ACAP2: variants seen among roughly 807,000 people sequenced by gnomAD.
ACAP2 encodes arf-GAP with coiled-coil, ANK repeat and PH domain-containing protein 2.
A neutral mutation model predicts 115.8 loss-of-function variants in ACAP2; 39 were observed. The ratio of observed to expected loss-of-function variants is 0.34; its 90% CI spans 0.26 to 0.44. The LOEUF is 0.44. Ranked by LOEUF, ACAP2 falls within the 20% of genes least tolerant of loss-of-function variation. ACAP2 has a pLI of 1.00. For synonymous variants in ACAP2, 289 were observed against 315.8 expected, an observed-to-expected ratio of 0.92 and a Z score of 0.90; for missense variants, 662 against 927.6, an observed-to-expected ratio of 0.71 and a Z score of 3.72.
At chr3:195,364,712 G>A (rs1249594117) in intron 4 of ACAP2, among the ~76,000 whole-genome samples, 1 of 152,190 alleles carries the variant, frequency 6.6e-6, no homozygotes, top group African/African-American at 2.4e-5. Context: ...AAGGAAAACA[G>A]TTTGGAGATT....
chr3:195,401,387 G>A (rs929680892), intron 1 of ACAP2, among the ~76,000 whole-genome samples: 2 of 152,214 alleles, frequency 1.3e-5, no homozygotes, highest in Non-Finnish European at 2.9e-5. Context: ...AGACTAGGCT[G>A]GGCGCAGTGG....
In ACAP2 at chr3:195,337,446, C is replaced by CTTTT. The variant is rs11411412; in HGVS notation, c.529-474_529-471dup. On this transcript the variant is annotated intron_variant, in intron 6 of 22. Coordinates refer to ENST00000326793, the MANE Select transcript of ACAP2 (RefSeq NM_012287.6). Reference sequence around the variant, plus strand: ...CATTATACACACGGCAACCAGTCATCTTTTTTTTTTTTTTTTTTTGACACA... The same window carrying CTTTT: ...CATTATACACACGGCAACCAGTCATCTTTTTTTTTTTTTTTTTTTTTTTGACACA... 6.3e-3 allele frequency among the ~76,000 whole-genome samples: 829 copies of CTTTT among 131,514 alleles called. 12 individuals are homozygous for CTTTT. Among genetic ancestry groups the CTTTT allele is most frequent in the African/African-American group, 0.022 (764 of 34,760 alleles). The allele number at this position is 131,514 out of a possible 152,430, so 86.3% of individuals were successfully genotyped here.
chr3:195,294,732 A>G lies in ACAP2; in HGVS notation c.1752T>C (p.Ser584=). 6.2e-7 allele frequency: 1 copy of G among 1,604,236 alleles called. No homozygotes were observed. The highest frequency in any genetic ancestry group is 8.5e-7 in the Non-Finnish European group (1 of 1,173,184). The change falls in exon 18 of 23, where the codon AGT becomes AGC. Residue 584 remains serine, a synonymous_variant. Coordinates refer to ENST00000326793, the MANE Select transcript of ACAP2 (RefSeq NM_012287.6). ...ATCAGAACTCACCAGGCTCATATAA[A>G]CTATTGGCTGACACCGTGGAGGGTA... ...ESLPSTVSAN[S]LYEPEGERQD... is the part of the protein sequence containing the mutation.
At chr3:195,318,553 G>A (rs1729239927) in intron 10 of ACAP2, among the ~76,000 whole-genome samples, 1 of 152,216 alleles carries the variant, frequency 6.6e-6, no homozygotes. Context: ...CAAAGAGACT[G>A]GCAGCATTTT....
At chr3:195,344,570 G>C (rs985639887) in intron 5 of ACAP2, among the ~76,000 whole-genome samples, 2 of 151,862 alleles carry the variant, frequency 1.3e-5, no homozygotes, top group African/African-American at 2.4e-5. Flanking sequence ...GCCCAGGCTG[G>C]AGTGCGATGG....
At chr3:195,366,921 G>A (rs546153413) in intron 4 of ACAP2, among the ~76,000 whole-genome samples, 4 of 152,108 alleles carry the variant, frequency 2.6e-5, no homozygotes, top group Non-Finnish European at 4.4e-5. Flanking sequence ...AAGCATTGAA[G>A]CTTGTGGGCC....
Position 195,442,795 on chromosome 3 carries a change from C to T in ACAP2, c.53G>A (p.Arg18Lys). 1 of 1,528,998 alleles carries T rather than the reference C, an allele frequency of 6.5e-7. No homozygotes were observed. Among genetic ancestry groups the T allele is most frequent in the South Asian group, 1.2e-5 (1 of 81,992 alleles). 94.7% of individuals were successfully genotyped at this position (1,528,998 alleles called of 1,614,324 possible). A position where few individuals can be genotyped will look rare whatever the true frequency, so the allele number is the denominator to read the frequency against. The change falls in exon 1 of 23, where the codon AGG becomes AAG. Residue 18 changes from arginine to lysine, a missense_variant and splice_region_variant. Coordinates refer to ENST00000326793, the MANE Select transcript of ACAP2 (RefSeq NM_012287.6). ...EECLKDSPRFRAALEEVEGDV... is the reference protein window; with the variant it reads ...EECLKDSPRFKAALEEVEGDV... Reference sequence around the variant, plus strand: ...GACGCCGGGCGGCCGTGCCGGTTACCTGAAGCGGGGCGAGTCCTTCAGACA... The same window carrying T: ...GACGCCGGGCGGCCGTGCCGGTTACTTGAAGCGGGGCGAGTCCTTCAGACA...
intron 15 of ACAP2, among the ~76,000 whole-genome samples, chr3:195,300,150 A>G (rs112723809): frequency 0.023 from 3,499 of 150,412 alleles, 118 homozygotes; most frequent in East Asian, 0.11. Flanking sequence ...GGATTCAAGC[A>G]ATTCTCCTGC....
At chr3:195,333,211 AG>A in intron 7 of ACAP2, 88 bp from the exon 8 acceptor site, 1 of 619,400 alleles carries the variant, frequency 1.6e-6, no homozygotes, top group South Asian at 3.2e-5. Context: ...AATATATAAA[AG>A]ACAGGGTCTT....
At chr3:195,382,591 T>G (rs1167786541) in intron 2 of ACAP2, among the ~76,000 whole-genome samples, 1 of 151,906 alleles carries the variant, frequency 6.6e-6, no homozygotes, top group Non-Finnish European at 1.5e-5. Flanking sequence ...CTTGGGTAAA[T>G]GTCAAATATT....
chr3:195,356,644 C>A (rs1435352921), intron 4 of ACAP2, among the ~76,000 whole-genome samples: 2 of 152,086 alleles, frequency 1.3e-5, no homozygotes, highest in South Asian at 2.1e-4. Flanking sequence ...AATACCATCT[C>A]AGCCACAGTT....
At chr3:195,348,851 C>G (rs1458624322) in intron 4 of ACAP2, among the ~76,000 whole-genome samples, 1 of 152,150 alleles carries the variant, frequency 6.6e-6, no homozygotes, top group Non-Finnish European at 1.5e-5. Flanking sequence ...AAATCTGTAT[C>G]TAACATCCTG....
At chr3:195,381,096 T>C in intron 3 of ACAP2, 34 bp from the exon 4 acceptor site, 1 of 1,552,538 alleles carries the variant, frequency 6.4e-7, no homozygotes, top group Non-Finnish European at 8.8e-7. Context: ...AACCAAATCA[T>C]TTATGAGCCA....
At chr3:195,345,745 A>G (rs187246758) in intron 4 of ACAP2, among the ~76,000 whole-genome samples, 9 of 152,304 alleles carry the variant, frequency 5.9e-5, no homozygotes, top group Admixed American at 5.9e-4. Context: ...GGTAGAGGTT[A>G]CTCATTGGGG....
At chr3:195,300,845 T>C (rs939515482) in intron 15 of ACAP2, among the ~76,000 whole-genome samples, 2 of 152,096 alleles carry the variant, frequency 1.3e-5, no homozygotes, top group Admixed American at 6.6e-5. Context: ...GGTGAAACCA[T>C]GTCTCTACGA....
intron 22 of ACAP2, chr3:195,282,708 C>T (rs1726585431): frequency 6.6e-6 from 1 of 152,196 alleles, no homozygotes; most frequent in Non-Finnish European, 1.5e-5. Flanking sequence ...TGGTAAACAA[C>T]TCATCACTCA....
intron 4 of ACAP2, among the ~76,000 whole-genome samples, chr3:195,351,196 C>G (rs1380072630): frequency 6.8e-6 from 1 of 146,380 alleles, no homozygotes; most frequent in Non-Finnish European, 1.5e-5. Flanking sequence ...CGGCTCACTG[C>G]AACCTCCGCC....
rs769831734 is a variant in ACAP2 at position 195,442,761 on chromosome 3, C to G, written c.53+34G>C. The G allele has an allele frequency of 1.3e-6, 2 of 1,527,370 alleles. 1 individual carries two copies. Among genetic ancestry groups the G allele is most frequent in the South Asian group, 2.4e-5 (2 of 81,894 alleles). The allele number at this position is 1,527,370 out of a possible 1,614,324, so 94.6% of individuals were successfully genotyped here. A position where few individuals can be genotyped will look rare whatever the true frequency, so the allele number is the denominator to read the frequency against. ...CACGCCCCCAGCGCCGGGAAGGCAG[C>G]TCCGCGGTGACGCCGGGCGGCCGTG... is the stretch of plus-strand genomic sequence containing the variant. On this transcript the variant is annotated intron_variant, in intron 1 of 22. Coordinates refer to ENST00000326793, the MANE Select transcript of ACAP2 (RefSeq NM_012287.6).
intron 18 of ACAP2, among the ~76,000 whole-genome samples, chr3:195,293,476 T>A (rs1349937357): frequency 6.6e-6 from 1 of 152,178 alleles, no homozygotes; most frequent in African/African-American, 2.4e-5. Context: ...AATAAGACAG[T>A]TCATGTGGAT....
Sources: allele counts gnomAD v4.1 joint callset (sites outside exome capture counted in the v4.1 genomes callset), GRCh38; gene constraint gnomAD v4.1.1; transcripts MANE v1.5; gene names NCBI Gene and HGNC (gene_info 2026-07-23, HGNC 2026-07-21).